The following RALY variants were observed in gnomAD, a reference collection of about 807,000 sequenced individuals.
The protein encoded by RALY is RALY heterogeneous nuclear ribonucleoprotein, also known as RNA-binding protein Raly.
Under a neutral mutation model 30.7 loss-of-function variants are expected in RALY, and 15 were observed. That is an observed-to-expected ratio of 0.49 (90% CI 0.33 to 0.75). The LOEUF (loss-of-function observed/expected upper bound fraction) is 0.75, where lower values mean the gene tolerates loss of function less well. Among genes scored for constraint, RALY ranks in the 30% least tolerant of loss-of-function variants. The probability of loss-of-function intolerance (pLI) is 0.02; values close to 1 mark genes in which losing one functional copy is unlikely to be tolerated. For missense variants in RALY, 339 were observed against 414.3 expected (o/e 0.82, Z 1.58); for synonymous variants, 177 against 170.8 (o/e 1.04, Z -0.28).
chr20:34,023,404 A>G (rs1249534506), intron 1 of RALY, among the ~76,000 whole-genome samples: 1 of 152,184 alleles, frequency 6.6e-6, no homozygotes, highest in East Asian at 1.9e-4. Context: ...TGGGAGAGCC[A>G]TGGCTTAAAC....
intron 2 of RALY, among the ~76,000 whole-genome samples, chr20:34,068,441 T>A (rs1456952936): frequency 1.3e-5 from 2 of 152,112 alleles, no homozygotes; most frequent in African/African-American, 4.8e-5. Flanking sequence ...GCCCTAGTGG[T>A]CCTAACCACT....
intron 2 of RALY, among the ~76,000 whole-genome samples, chr20:34,069,465 C>G (rs1372257112): frequency 6.6e-6 from 1 of 152,128 alleles, no homozygotes; most frequent in Non-Finnish European, 1.5e-5. Flanking sequence ...TATCTCTATC[C>G]ACACCCCAGG....
At chr20:34,058,331 A>G (rs1266509674) in intron 2 of RALY, among the ~76,000 whole-genome samples, 1 of 152,064 alleles carries the variant, frequency 6.6e-6, no homozygotes, top group African/African-American at 2.4e-5. Context: ...GTGCATATGT[A>G]TACCGTATTA....
At chr20:34,063,083 A>G (rs891280071) in intron 2 of RALY, among the ~76,000 whole-genome samples, 9 of 152,068 alleles carry the variant, frequency 5.9e-5, no homozygotes, top group Admixed American at 2.6e-4. Flanking sequence ...TATTCATCCT[A>G]CCTCTGTCAT....
chr20:34,053,262 A>G (rs2033135258), intron 2 of RALY, among the ~76,000 whole-genome samples: 1 of 152,016 alleles, frequency 6.6e-6, no homozygotes, highest in Non-Finnish European at 1.5e-5. Flanking sequence ...TCCATGTATC[A>G]TATGAGGACG....
chr20:34,079,052 G>A (rs569453026), intron 9 of RALY, among the ~76,000 whole-genome samples: 106 of 152,350 alleles, frequency 7.0e-4, no homozygotes, highest in African/African-American at 2.3e-3. Context: ...TCCTGTGGCT[G>A]CAGTGCCCCC....
intron 1 of RALY, among the ~76,000 whole-genome samples, chr20:34,012,504 C>G (rs2031446187): frequency 6.6e-6 from 1 of 152,116 alleles, no homozygotes; most frequent in Non-Finnish European, 1.5e-5. Context: ...CCTACTTACC[C>G]TTTCTTCTGC....
intron 1 of RALY, among the ~76,000 whole-genome samples, chr20:34,011,922 C>T (rs2031413321): frequency 3.3e-5 from 5 of 152,024 alleles, no homozygotes; most frequent in South Asian, 2.1e-4. Context: ...AAAAATTAGC[C>T]GGGTGTAGTG....
At chr20:34,009,507 A>C (rs2031306210) in intron 1 of RALY, among the ~76,000 whole-genome samples, 1 of 152,012 alleles carries the variant, frequency 6.6e-6, no homozygotes, top group Non-Finnish European at 1.5e-5. Flanking sequence ...AAGTGCCAGG[A>C]TTATAGGTGT....
rs143224840 is a variant in RALY, at chr20:34,083,132, A to G, written c.*3227A>G. On this transcript the variant is annotated 3_prime_UTR_variant, in exon 10 of 10. Transcript: ENST00000246194. ...CCTTTGTTCAGTTACTGACTGTTGT[A>G]TAACAAACCACCCCCAAATTTAGTA... 7.8e-4 allele frequency: 119 copies of G among 152,380 alleles called. No individual in the cohort carries two copies. The highest frequency in any genetic ancestry group is 2.5e-3 in the African/African-American group (102 of 41,586). The allele number at this position is 152,380 out of a possible 1,614,324, so 9.4% of individuals were successfully genotyped here. A position where few individuals can be genotyped will look rare whatever the true frequency, so the allele number is the denominator to read the frequency against.
chr20:34,023,166 C>T (rs942763891), intron 1 of RALY, among the ~76,000 whole-genome samples: 2 of 152,162 alleles, frequency 1.3e-5, no homozygotes, highest in African/African-American at 4.8e-5. Context: ...AGGCAGTTTA[C>T]GTAATTTTTT....
At chr20:34,046,330 AC>A in intron 2 of RALY, among the ~76,000 whole-genome samples, 1 of 152,298 alleles carries the variant, frequency 6.6e-6, no homozygotes, top group East Asian at 1.9e-4. Flanking sequence ...ACATGCTGGG[AC>A]CAAAGAAATC....
At chr20:34,024,081 C>A (rs1474026599) in intron 1 of RALY, among the ~76,000 whole-genome samples, 3 of 151,992 alleles carry the variant, frequency 2.0e-5, no homozygotes, top group Admixed American at 2.0e-4. Flanking sequence ...CTGGCCCTGC[C>A]ACTGACTTCC....
At chr20:34,059,690 G>A (rs2033359070) in intron 2 of RALY, among the ~76,000 whole-genome samples, 1 of 152,214 alleles carries the variant, frequency 6.6e-6, no homozygotes, top group Non-Finnish European at 1.5e-5. Flanking sequence ...TATGCCTGTT[G>A]TGGTAGGAGT....
At chr20:34,065,122 T>C (rs533495607) in intron 2 of RALY, 1 of 152,280 alleles carries the variant, frequency 6.6e-6, no homozygotes, top group East Asian at 1.9e-4. Flanking sequence ...ATCTCCACAG[T>C]GCCAGCACAG....
chr20:34,034,842 G>T (rs947995185), intron 2 of RALY, among the ~76,000 whole-genome samples: 35 of 152,116 alleles, frequency 2.3e-4, no homozygotes, highest in African/African-American at 8.4e-4. Flanking sequence ...AAGGGGAGGG[G>T]TGAAAGAAGA....
chr20:34,001,441 C>T (rs941593118), intron 1 of RALY, among the ~76,000 whole-genome samples: 3 of 152,158 alleles, frequency 2.0e-5, no homozygotes. Flanking sequence ...AGGTAAGACT[C>T]ATTGCTTTAT....
At position 34,082,882 on chromosome 20, in the gene RALY, CT is replaced by C. The variant is rs1403022082; in HGVS notation, c.*2980del. On this transcript the variant is annotated 3_prime_UTR_variant, in exon 10 of 10. Coordinates refer to ENST00000246194, the MANE Select transcript of RALY (RefSeq NM_016732.3). The stretch of plus-strand genomic sequence containing the variant: ...ACCGGATTCTGCCTAAAGGATCAGT[CT>C]TTAGATGTTTTCAGATTGAAAGCCT... The C allele has an allele frequency of 3.3e-5, 5 of 152,220 alleles. No individual in the cohort carries two copies. The highest frequency in any genetic ancestry group is 5.9e-5 in the Non-Finnish European group (4 of 68,038). 9.4% of individuals were successfully genotyped at this position (152,220 alleles called of 1,614,324 possible).
intron 2 of RALY, among the ~76,000 whole-genome samples, chr20:34,032,510 T>TG (rs1353524968): frequency 8.8e-4 from 16 of 18,114 alleles, no homozygotes; most frequent in East Asian, 3.1e-3. Flanking sequence ...TTTTGTGTGT[T>TG]GGGGGGGGTT....
Sources: gnomAD v4.1 joint callset for allele counts (sites outside exome capture counted in the v4.1 genomes callset) on GRCh38, gnomAD v4.1.1 for gene constraint, MANE v1.5 for transcripts, NCBI Gene and HGNC (gene_info 2026-07-23, HGNC 2026-07-21) for gene names.